The following EYS variants were observed in gnomAD, a reference collection of about 807,000 sequenced individuals.
EYS encodes EGF-like photoreceptor maintenance factor.
Under a neutral mutation model 282.1 loss-of-function variants are expected in EYS, and 250 were observed. That is an observed-to-expected ratio of 0.89 (90% CI 0.80 to 0.98). The LOEUF (loss-of-function observed/expected upper bound fraction) is 0.98, where lower values mean the gene tolerates loss of function less well. Among genes scored for constraint, EYS ranks in the 50% least tolerant of loss-of-function variants. EYS has a pLI of 0.00. For missense variants in EYS, 4,016 were observed against 3,709.0 expected (o/e 1.08, Z -2.15); for synonymous variants, 1,355 against 1,282.9 (o/e 1.06, Z -1.20).
At chr6:65,525,859 A>G (rs73447233) in intron 2 of EYS, among the ~76,000 whole-genome samples, 18,738 of 152,250 alleles carry the variant, frequency 0.12, 1,403 homozygotes, top group African/African-American at 0.19. Flanking sequence ...TATAAATTAT[A>G]TTCTCTTAAT....
At chr6:64,456,540 G>A (rs1775564289) in intron 26 of EYS, among the ~76,000 whole-genome samples, 1 of 151,888 alleles carries the variant, frequency 6.6e-6, no homozygotes, top group African/African-American at 2.4e-5. Context: ...GGCTACAAGA[G>A]GGTTGTTATG....
At chr6:65,384,958 T>C (rs778439271) in intron 7 of EYS, among the ~76,000 whole-genome samples, 1 of 151,860 alleles carries the variant, frequency 6.6e-6, no homozygotes, top group East Asian at 1.9e-4. Flanking sequence ...GGGCTACTTA[T>C]AGGACTTCTG....
intron 26 of EYS, among the ~76,000 whole-genome samples, chr6:64,458,923 C>A (rs1156751680): frequency 1.3e-5 from 2 of 152,060 alleles, no homozygotes; most frequent in South Asian, 2.1e-4. Context: ...ACAGACTGTT[C>A]ATTATGTTAA....
intron 28 of EYS, among the ~76,000 whole-genome samples, chr6:64,409,296 C>T (rs1298546421): frequency 6.6e-6 from 1 of 152,016 alleles, no homozygotes; most frequent in East Asian, 1.9e-4. Context: ...ATTTATATTC[C>T]GTTAGGTATA....
At chr6:64,025,299 T>C (rs1165431720) in intron 33 of EYS, among the ~76,000 whole-genome samples, 2 of 152,046 alleles carry the variant, frequency 1.3e-5, no homozygotes, top group African/African-American at 4.8e-5. Flanking sequence ...GAGCTGAGGA[T>C]CGACAGAGAG....
At chr6:64,221,856 A>C (rs958648449) in intron 31 of EYS, among the ~76,000 whole-genome samples, 16 of 152,068 alleles carry the variant, frequency 1.1e-4, no homozygotes, top group African/African-American at 3.6e-4. Flanking sequence ...ACAAAGGATG[A>C]CTGGATATAG....
intron 5 of EYS, among the ~76,000 whole-genome samples, chr6:65,443,415 CAT>C (rs999499577): frequency 1.5e-5 from 2 of 134,336 alleles, no homozygotes; most frequent in African/African-American, 5.0e-5. Flanking sequence ...CACATATAGC[CAT>C]ATATGTACAT....
At chr6:64,825,849 C>T (rs1258616561) in intron 19 of EYS, among the ~76,000 whole-genome samples, 1 of 151,512 alleles carries the variant, frequency 6.6e-6, no homozygotes, top group Non-Finnish European at 1.5e-5. Context: ...CATCTGTAAA[C>T]TATGAATCAA....
intron 12 of EYS, among the ~76,000 whole-genome samples, chr6:65,112,174 T>C (rs928873771): frequency 6.6e-6 from 1 of 152,164 alleles, no homozygotes; most frequent in Non-Finnish European, 1.5e-5. Flanking sequence ...TCTTTGATAC[T>C]GGATACTAAT....
intron 26 of EYS, among the ~76,000 whole-genome samples, chr6:64,566,546 A>C (rs934380464): frequency 6.6e-6 from 1 of 152,188 alleles, no homozygotes; most frequent in African/African-American, 2.4e-5. Flanking sequence ...ACAACAGTGC[A>C]GGGGATATGT....
At chr6:64,545,870 G>C (rs1265007081) in intron 26 of EYS, among the ~76,000 whole-genome samples, 2 of 152,182 alleles carry the variant, frequency 1.3e-5, no homozygotes, top group Admixed American at 6.5e-5. Context: ...TGAAATAAAA[G>C]AGGATACAAA....
chr6:64,136,993 G>A (rs915366761), intron 31 of EYS, among the ~76,000 whole-genome samples: 10 of 152,140 alleles, frequency 6.6e-5, no homozygotes, highest in African/African-American at 2.4e-4. Flanking sequence ...GTAGAAGGCT[G>A]TTCAATGTAC....
At chr6:63,914,793 C>T (rs548416723) in intron 35 of EYS, among the ~76,000 whole-genome samples, 3 of 151,866 alleles carry the variant, frequency 2.0e-5, no homozygotes, top group South Asian at 4.2e-4. Context: ...GAAAAACAAA[C>T]CAGACAACAT....
At chr6:64,753,321 A>G (rs1221563967) in intron 22 of EYS, among the ~76,000 whole-genome samples, 2 of 152,128 alleles carry the variant, frequency 1.3e-5, no homozygotes, top group Non-Finnish European at 2.9e-5. Context: ...AACAACAACA[A>G]CAAACCCAAA....
At chr6:65,181,997 G>A (rs1465502117) in intron 12 of EYS, among the ~76,000 whole-genome samples, 1 of 151,762 alleles carries the variant, frequency 6.6e-6, no homozygotes, top group East Asian at 2.0e-4. Flanking sequence ...TCATAGGTGG[G>A]AATTGAACAA....
intron 29 of EYS, among the ~76,000 whole-genome samples, chr6:64,340,494 G>A (rs563020769): frequency 3.8e-4 from 58 of 151,910 alleles, no homozygotes; most frequent in Non-Finnish European, 7.5e-4. Flanking sequence ...TCAATAAATG[G>A]TGCTGGGATA....
In EYS at chr6:64,595,198, G is replaced by A. The variant is rs79602067; in HGVS notation, c.3685-1889C>T. ...AATATCAAGGACAAAATCCATATAA[G>A]TATCTCAATAGATGCAGAAATTAAT... On this transcript the variant is annotated intron_variant, in intron 24 of 42. Coordinates refer to ENST00000503581, the MANE Select transcript of EYS (RefSeq NM_001142800.2). 4.1e-3 allele frequency among the ~76,000 whole-genome samples: 618 copies of A among 152,176 alleles called. 5 individuals are homozygous for A. Among genetic ancestry groups the A allele is most frequent in the Admixed American group, 6.3e-3 (96 of 15,288 alleles).
rs1339807689 is a variant in EYS, at chr6:65,319,136, A to G, written c.1766+15844T>C. ...CACTTTGAGAGGCCAAGGCAGGTGGATCACTTGAGGTCAGGAGTTCGAGAC... is the reference window on the plus strand; with the variant it reads ...CACTTTGAGAGGCCAAGGCAGGTGGGTCACTTGAGGTCAGGAGTTCGAGAC... On this transcript the variant is annotated intron_variant, in intron 11 of 42. Transcript: ENST00000503581. Among the ~76,000 whole-genome samples, 11 of 143,704 alleles carry G rather than the reference A, an allele frequency of 7.7e-5. No homozygotes were observed. In the East Asian group the frequency reaches 2.0e-3, roughly 26 times the overall value. 94.3% of individuals were successfully genotyped at this position (143,704 alleles called of 152,430 possible).
At chr6:63,865,201 T>C (rs1772643354) in intron 35 of EYS, among the ~76,000 whole-genome samples, 1 of 152,226 alleles carries the variant, frequency 6.6e-6, no homozygotes, top group Non-Finnish European at 1.5e-5. Context: ...GTACTCTTTT[T>C]ATCTGCTGGT....
Sources: gnomAD v4.1 joint callset for allele counts (sites outside exome capture counted in the v4.1 genomes callset) on GRCh38, gnomAD v4.1.1 for gene constraint, MANE v1.5 for transcripts, NCBI Gene and HGNC (gene_info 2026-07-23, HGNC 2026-07-21) for gene names.